Variants in FRMD4A observed in about 807,000 individuals in gnomAD.
The protein encoded by FRMD4A is FERM domain containing 4A.
FRMD4A carries 29 observed loss-of-function variants against 129.1 expected under a neutral mutation model. The observed-to-expected ratio is 0.22, with a 90% CI of 0.17 to 0.31. The LOEUF is 0.31. Ranked by LOEUF, FRMD4A falls within the 10% of genes least tolerant of loss-of-function variation. FRMD4A has a pLI of 1.00. For synonymous variants in FRMD4A, 634 were observed against 571.6 expected (o/e 1.11, Z -1.56); for missense variants, 1,272 against 1,375.8 (o/e 0.92, Z 1.19).
rs529651521 is a variant in FRMD4A, at chr10:14,174,748, G to T, written c.45+155310C>A. 3.3e-5 allele frequency among the ~76,000 whole-genome samples: 5 copies of T among 152,198 alleles called. No homozygotes were observed. In the South Asian group the frequency reaches 1.0e-3, roughly 32 times the overall value. On this transcript the variant is annotated intron_variant, in intron 2 of 24. Coordinates refer to ENST00000357447, the MANE Select transcript of FRMD4A (RefSeq NM_018027.5). ...AATTTCACACCTGGATAGTTAACTG[G>T]GTTCTTCTGCAGTTTGGCCAGATGT...
In FRMD4A at chr10:14,288,595, A is replaced by G. The variant is rs72778700; in HGVS notation, c.45+41463T>C. Among the ~76,000 whole-genome samples the G allele has an allele frequency of 5.9e-3, 903 of 152,312 alleles. 22 individuals carry two copies. In the East Asian group the frequency reaches 0.063, roughly 11 times the overall value. On this transcript the variant is annotated intron_variant, in intron 2 of 24. Coordinates refer to ENST00000357447, the MANE Select transcript of FRMD4A (RefSeq NM_018027.5). ...TTTTAAAAAATATTAATTTATTTTT[A>G]AAATTGTTATTGTGCTAAGAACACT...
Position 14,230,574 on chromosome 10 carries a change from T to C in FRMD4A, c.45+99484A>G, listed in dbSNP as rs76590141. Among the ~76,000 whole-genome samples the C allele has an allele frequency of 1.0e-2, 1,523 of 152,340 alleles. 30 individuals are homozygous for C. Among genetic ancestry groups the C allele is most frequent in the African/African-American group, 0.035 (1,451 of 41,574 alleles). ...CGATTGCTACTCACAGGAGCTATCA[T>C]TGGTACTCTTAATTCCTGACGAGAA... On this transcript the variant is annotated intron_variant, in intron 2 of 24. Transcript: ENST00000357447.
At chr10:14,030,899 C>A (rs1262750749) in intron 2 of FRMD4A, among the ~76,000 whole-genome samples, 3 of 152,194 alleles carry the variant, frequency 2.0e-5, no homozygotes, top group Non-Finnish European at 2.9e-5. Flanking sequence ...ATCTCCAGCC[C>A]CACCGCAGTC....
intron 2 of FRMD4A, among the ~76,000 whole-genome samples, chr10:14,121,090 G>A (rs906957454): frequency 3.3e-5 from 5 of 152,172 alleles, no homozygotes; most frequent in Admixed American, 6.5e-5. Context: ...GATTCTGGCC[G>A]GGTGTGGTGG....
chr10:13,958,589 T>C (rs2095425616), intron 2 of FRMD4A, among the ~76,000 whole-genome samples: 1 of 136,864 alleles, frequency 7.3e-6, no homozygotes, highest in African/African-American at 2.8e-5. Context: ...GACCAGTGTC[T>C]TTCTTTCTTT....
intron 2 of FRMD4A, among the ~76,000 whole-genome samples, chr10:14,151,664 T>C (rs1012605132): frequency 1.3e-5 from 2 of 152,116 alleles, no homozygotes; most frequent in Admixed American, 6.5e-5. Flanking sequence ...CATATATATA[T>C]ATGAAAAAAC....
In FRMD4A at chr10:13,663,485, C is replaced by A; in HGVS notation, c.1628G>T (p.Ser543Ile). ...IDDGNIASEDSSLSDALVLED... is the reference protein window; with the variant it reads ...IDDGNIASEDISLSDALVLED... ...AAGAACAAGGGCATCTGAGAGGGAG[C>A]TGTCTTCACTGGCAATGTTTCCATC... The change falls in exon 19 of 25, where the codon AGC (serine) becomes ATC (isoleucine). Residue 543 changes from serine (S) to isoleucine (I), a missense_variant. Transcript: ENST00000357447. 1.3e-6 allele frequency: 2 copies of A among 1,558,536 alleles called. No individual in the cohort carries two copies. Among genetic ancestry groups the A allele is most frequent in the Admixed American group, 1.7e-5 (1 of 59,978 alleles).
intron 2 of FRMD4A, among the ~76,000 whole-genome samples, chr10:14,151,966 C>T (rs2131855812): frequency 6.6e-6 from 1 of 152,108 alleles, no homozygotes; most frequent in Non-Finnish European, 1.5e-5. Context: ...AAGATGTTGC[C>T]AGGCTTCCTG....
chr10:14,241,594 C>T (rs1023158314), intron 2 of FRMD4A, among the ~76,000 whole-genome samples: 11 of 140,868 alleles, frequency 7.8e-5, no homozygotes, highest in Middle Eastern at 3.8e-3. Context: ...TGATCTTTAG[C>T]GTTTATACTT....
chr10:13,877,958 C>T (rs2094505284), intron 2 of FRMD4A, among the ~76,000 whole-genome samples: 2 of 152,032 alleles, frequency 1.3e-5, no homozygotes, highest in Non-Finnish European at 2.9e-5. Flanking sequence ...GGAGAGGACT[C>T]CCAAACCCAA....
intron 12 of FRMD4A, among the ~76,000 whole-genome samples, chr10:13,732,865 C>G (rs985686288): frequency 2.0e-5 from 3 of 152,220 alleles, no homozygotes; most frequent in Non-Finnish European, 4.4e-5. Flanking sequence ...TGACCTTCCC[C>G]ATGTCTGAGT....
chr10:13,981,109 T>G (rs1325540809), intron 2 of FRMD4A, among the ~76,000 whole-genome samples: 2 of 152,194 alleles, frequency 1.3e-5, no homozygotes, highest in Non-Finnish European at 2.9e-5. Flanking sequence ...CTTCTTGGAA[T>G]AATTTAAATG....
intron 5 of FRMD4A, among the ~76,000 whole-genome samples, chr10:13,792,779 C>T (rs551605635): frequency 6.6e-6 from 1 of 152,272 alleles, no homozygotes; most frequent in Admixed American, 6.5e-5. Flanking sequence ...ATGGACCAGG[C>T]CCCTCTTAGG....
At chr10:13,748,807 T>C (rs2091423820) in intron 8 of FRMD4A, among the ~76,000 whole-genome samples, 2 of 152,174 alleles carry the variant, frequency 1.3e-5, no homozygotes, top group Admixed American at 6.5e-5. Flanking sequence ...CCAGTTGGTA[T>C]ATAACACAAA....
At chr10:13,689,673 C>A (rs2085485511) in intron 15 of FRMD4A, among the ~76,000 whole-genome samples, 1 of 151,780 alleles carries the variant, frequency 6.6e-6, no homozygotes, top group Non-Finnish European at 1.5e-5. Flanking sequence ...CAGCCTCAGC[C>A]TCCCAAGTAG....
chr10:14,320,646 G>T (rs1438092302), intron 2 of FRMD4A, among the ~76,000 whole-genome samples: 1 of 152,236 alleles, frequency 6.6e-6, no homozygotes, highest in Non-Finnish European at 1.5e-5. Flanking sequence ...TCAACATGCA[G>T]TGTGACCTAA....
At chr10:13,841,547 T>G (rs2093965783) in intron 3 of FRMD4A, among the ~76,000 whole-genome samples, 2 of 152,172 alleles carry the variant, frequency 1.3e-5, no homozygotes, top group Admixed American at 1.3e-4. Flanking sequence ...CATGCCTACA[T>G]AATGAAACCC....
intron 2 of FRMD4A, among the ~76,000 whole-genome samples, chr10:14,096,139 G>A (rs575451780): frequency 2.0e-5 from 3 of 152,132 alleles, no homozygotes; most frequent in Non-Finnish European, 2.9e-5. Flanking sequence ...TGAGACTTTC[G>A]GGGCTGATTA....
intron 3 of FRMD4A, among the ~76,000 whole-genome samples, chr10:13,847,977 AC>A (rs1340988605): frequency 6.6e-6 from 1 of 152,216 alleles, no homozygotes; most frequent in East Asian, 1.9e-4. Flanking sequence ...GGTCCCTGTG[AC>A]CCCATCCTTA....
Sources: gnomAD v4.1 joint callset for allele counts (sites outside exome capture counted in the v4.1 genomes callset) on GRCh38, gnomAD v4.1.1 for gene constraint, MANE v1.5 for transcripts, NCBI Gene and HGNC (gene_info 2026-07-23, HGNC 2026-07-21) for gene names.